Variants in PTDSS1 observed in about 807,000 individuals in gnomAD.
PTDSS1 encodes PSS-1.
Under a neutral mutation model 70.5 loss-of-function variants are expected in PTDSS1, and 45 were observed. The ratio of observed to expected loss-of-function variants is 0.64; its 90% CI spans 0.50 to 0.82. PTDSS1 has a LOEUF of 0.82. Ranked by LOEUF, PTDSS1 falls within the 40% of genes least tolerant of loss-of-function variation. PTDSS1 has a pLI of 0.00. For missense variants in PTDSS1, 417 were observed against 586.1 expected (o/e 0.71, Z 2.98); for synonymous variants, 188 against 203.8 (o/e 0.92, Z 0.66).
At position 96,334,041 on chromosome 8, in the gene PTDSS1, T is replaced by C. The variant is rs911329557; in HGVS notation, c.*475T>C. 5 of 426,274 alleles carry C rather than the reference T, an allele frequency of 1.2e-5. No individual in the cohort carries two copies. In the Admixed American group the frequency reaches 2.0e-4, roughly 17 times the overall value. The allele number at this position is 426,274 out of a possible 1,614,324, so 26.4% of individuals were successfully genotyped here. ...GCCACTTTTCTGTCTTTTATTTGGT[T>C]ACTGTTGTTATTTGTTTTTAAGTTA... On this transcript the variant is annotated 3_prime_UTR_variant, in exon 13 of 13. Coordinates refer to ENST00000517309, the MANE Select transcript of PTDSS1 (RefSeq NM_014754.3).
In PTDSS1 at chr8:96,304,025, A is replaced by T; in HGVS notation, c.753-15A>T. ...TTATCTCTGGATTTTCACTGGAGCC[A>T]TTCTCTTCTTACAGGGACATTCATA... On this transcript the variant is annotated splice_polypyrimidine_tract_variant and intron_variant, in intron 6 of 12. Transcript: ENST00000517309. 1 of 1,596,088 alleles carries T rather than the reference A, an allele frequency of 6.3e-7. No homozygotes were observed. Among genetic ancestry groups the T allele is most frequent in the Non-Finnish European group, 8.5e-7 (1 of 1,174,304 alleles).
chr8:96,274,456 C>T lies in PTDSS1; in HGVS notation c.271+1066C>T, dbSNP rs151113688. On this transcript the variant is annotated intron_variant, in intron 2 of 12. Coordinates refer to ENST00000517309, the MANE Select transcript of PTDSS1 (RefSeq NM_014754.3). ...GAGTAGAAAAAACAGCCGGGTGCGG[C>T]GGCTCATGCCTGTAATCCCAGCACT... Among the ~76,000 whole-genome samples, 735 of 152,170 alleles carry T rather than the reference C, an allele frequency of 4.8e-3. 2 individuals carry two copies. The highest frequency in any genetic ancestry group is 0.014 in the African/African-American group (587 of 41,520).
At chr8:96,312,952 A>G (rs1811233365) in intron 9 of PTDSS1, among the ~76,000 whole-genome samples, 1 of 152,210 alleles carries the variant, frequency 6.6e-6, no homozygotes, top group Non-Finnish European at 1.5e-5. Flanking sequence ...GCTGCTTTAT[A>G]GCTTTCTTTT....
intron 4 of PTDSS1, among the ~76,000 whole-genome samples, chr8:96,290,863 A>G (rs1810892916): frequency 6.8e-6 from 1 of 147,782 alleles, no homozygotes; most frequent in African/African-American, 2.5e-5. Flanking sequence ...AATATTATAT[A>G]ATATAAATAT....
chr8:96,328,531 T>G (rs976734363), intron 10 of PTDSS1, among the ~76,000 whole-genome samples: 12 of 152,164 alleles, frequency 7.9e-5, no homozygotes, highest in Admixed American at 2.6e-4. Flanking sequence ...CCCTAACCTG[T>G]AGGTATATGC....
chr8:96,283,198 GC>G (rs1810767762), intron 2 of PTDSS1, among the ~76,000 whole-genome samples: 1 of 152,180 alleles, frequency 6.6e-6, no homozygotes, highest in East Asian at 1.9e-4. Flanking sequence ...TGCAAAATGA[GC>G]CCTACCTGTA....
chr8:96,289,736 A>C (rs1810875168), intron 4 of PTDSS1, among the ~76,000 whole-genome samples: 1 of 152,224 alleles, frequency 6.6e-6, no homozygotes, highest in Admixed American at 6.5e-5. Context: ...TCCAAGAAAT[A>C]ATCATTCCCC....
intron 2 of PTDSS1, among the ~76,000 whole-genome samples, chr8:96,282,201 C>T (rs1309934111): frequency 6.6e-6 from 1 of 152,136 alleles, no homozygotes; most frequent in Non-Finnish European, 1.5e-5. Flanking sequence ...ACAGAAGTCA[C>T]TTATGGTGAC....
At chr8:96,273,830 C>T (rs1810601676) in intron 2 of PTDSS1, among the ~76,000 whole-genome samples, 1 of 152,098 alleles carries the variant, frequency 6.6e-6, no homozygotes, top group Non-Finnish European at 1.5e-5. Flanking sequence ...AATAAGTTGT[C>T]CCAAGTGATC....
At chr8:96,301,181 GTGCAGT>G (rs898657879) in intron 6 of PTDSS1, among the ~76,000 whole-genome samples, 1 of 152,094 alleles carries the variant, frequency 6.6e-6, no homozygotes, top group Non-Finnish European at 1.5e-5. Flanking sequence ...CCAGGCTGCA[GTGCAGT>G]GGTACAATCT....
At chr8:96,317,047 G>GTA (rs376416607) in intron 9 of PTDSS1, among the ~76,000 whole-genome samples, 58 of 124,898 alleles carry the variant, frequency 4.6e-4, no homozygotes, top group Middle Eastern at 4.2e-3. Flanking sequence ...ATATATGTGT[G>GTA]TATATATATA....
At chr8:96,320,622 C>T (rs763990291) in intron 10 of PTDSS1, among the ~76,000 whole-genome samples, 17 of 152,150 alleles carry the variant, frequency 1.1e-4, no homozygotes, top group Non-Finnish European at 1.9e-4. Flanking sequence ...AATTTGTCTG[C>T]ATGTGCTATG....
intron 2 of PTDSS1, chr8:96,283,822 A>G: frequency 2.8e-6 from 1 of 362,354 alleles, no homozygotes; most frequent in African/African-American, 2.1e-5. Context: ...CTATTACAAC[A>G]TTGTTTCCAT....
intron 1 of PTDSS1, among the ~76,000 whole-genome samples, chr8:96,269,905 G>T (rs988451759): frequency 6.6e-6 from 1 of 152,200 alleles, no homozygotes; most frequent in Non-Finnish European, 1.5e-5. Context: ...GCATTCAAAC[G>T]TTGTGAACTC....
chr8:96,293,433 G>T (rs1054770230), intron 4 of PTDSS1, among the ~76,000 whole-genome samples: 4 of 152,226 alleles, frequency 2.6e-5, no homozygotes, highest in African/African-American at 9.6e-5. Context: ...TTGCTCACAG[G>T]CATGCACCTG....
At chr8:96,270,305 C>T (rs2129997133) in intron 1 of PTDSS1, among the ~76,000 whole-genome samples, 1 of 152,172 alleles carries the variant, frequency 6.6e-6, no homozygotes, top group East Asian at 1.9e-4. Context: ...TTGGGGTCCA[C>T]TCATGTGGAC....
intron 4 of PTDSS1, among the ~76,000 whole-genome samples, chr8:96,292,864 C>G (rs138434694): frequency 6.6e-6 from 1 of 152,212 alleles, no homozygotes; most frequent in Non-Finnish European, 1.5e-5. Context: ...TGCTGCATGG[C>G]TGGGGGAGCT....
intron 8 of PTDSS1, among the ~76,000 whole-genome samples, chr8:96,307,243 A>C (rs10112462): frequency 6.6e-6 from 1 of 152,110 alleles, no homozygotes; most frequent in Non-Finnish European, 1.5e-5. Context: ...GAGTAGCAAC[A>C]CCAAAGATCT....
rs1811559931 is a variant in PTDSS1, at chr8:96,334,008, A to C, written c.*442A>C. 2.3e-6 allele frequency: 1 copy of C among 443,616 alleles called. No individual in the cohort carries two copies. Among genetic ancestry groups the C allele is most frequent in the African/African-American group, 2.0e-5 (1 of 49,602 alleles). The allele number at this position is 443,616 out of a possible 1,614,324, so 27.5% of individuals were successfully genotyped here. A position where few individuals can be genotyped will look rare whatever the true frequency, so the allele number is the denominator to read the frequency against. On this transcript the variant is annotated 3_prime_UTR_variant, in exon 13 of 13. Coordinates refer to ENST00000517309, the MANE Select transcript of PTDSS1 (RefSeq NM_014754.3). ...AATCTACCTTTCCATTGATTGATTT[A>C]AGTTCAGGCCACTTTTCTGTCTTTT...
Sources: allele counts gnomAD v4.1 joint callset (sites outside exome capture counted in the v4.1 genomes callset), GRCh38; gene constraint gnomAD v4.1.1; transcripts MANE v1.5; gene names NCBI Gene and HGNC (gene_info 2026-07-23, HGNC 2026-07-21).